The following AFAP1L1 variants were observed in gnomAD, a reference collection of about 807,000 sequenced individuals.
AFAP1L1 encodes the protein actin filament-associated protein 1-like 1.
AFAP1L1 carries 77 observed loss-of-function variants against 99.8 expected under a neutral mutation model. The observed-to-expected ratio is 0.77, with a 90% CI of 0.64 to 0.93. The LOEUF is 0.93. Ranked by LOEUF, AFAP1L1 falls within the 40% of genes least tolerant of loss-of-function variation. AFAP1L1 has a pLI of 0.00. For synonymous variants in AFAP1L1, 373 were observed against 395.3 expected (o/e 0.94, Z 0.67); for missense variants, 893 against 996.8 (o/e 0.90, Z 1.40).
intron 18 of AFAP1L1, 47 bp downstream of exon 18, chr5:149,335,769 C>G (rs372791143): frequency 6.3e-7 from 1 of 1,595,088 alleles, no homozygotes; most frequent in African/African-American, 1.4e-5. Context: ...CTGGTAGCCC[C>G]CTTTCTATGG....
intron 4 of AFAP1L1, 55 bp from the exon 5 acceptor site, chr5:149,302,363 C>G (rs1756250664): frequency 1.5e-6 from 2 of 1,353,900 alleles, no homozygotes; most frequent in African/African-American, 2.9e-5. Flanking sequence ...CTCCCTCAGC[C>G]TCTCTCTCCC....
chr5:149,320,413 C>A lies in AFAP1L1; in HGVS notation c.1648C>A (p.Gln550Lys). Reference protein sequence around the residue: ...SFLYARSCQNQWPEPRVYDDV... With the variant: ...SFLYARSCQNKWPEPRVYDDV... ...TAGATATGCAAGATCCTGCCAGAAT[C>A]AGTGGCCTGAGCCCCGAGTCTATGA... The change falls in exon 14 of 19, where the codon CAG becomes AAG. Residue 550 changes from glutamine to lysine, a missense_variant. Coordinates refer to ENST00000296721, the MANE Select transcript of AFAP1L1 (RefSeq NM_152406.4). This position sits in a 1 kb window ranked among gnomAD's most constrained non-coding sequence, Gnocchi z 4.0. The A allele has an allele frequency of 6.2e-7, 1 of 1,614,192 alleles. No individual in the cohort carries two copies. Among genetic ancestry groups the A allele is most frequent in the South Asian group, 1.1e-5 (1 of 91,070 alleles).
chr5:149,319,179 A>C (rs1401990686), intron 12 of AFAP1L1, among the ~76,000 whole-genome samples: 2 of 152,228 alleles, frequency 1.3e-5, no homozygotes, highest in East Asian at 3.8e-4. Context: ...TGGCAACTAT[A>C]ACACAAGAAA....
At chr5:149,293,315 A>G (rs1206950061) in intron 1 of AFAP1L1, among the ~76,000 whole-genome samples, 1 of 152,224 alleles carries the variant, frequency 6.6e-6, no homozygotes, top group Non-Finnish European at 1.5e-5. Flanking sequence ...GCCCACAGCT[A>G]GAAAATGACA....
In AFAP1L1 at chr5:149,320,531, C is replaced by T. The variant is rs544849462; in HGVS notation, c.1698+68C>T. 2,182 of 1,399,328 alleles carry T rather than the reference C, an allele frequency of 1.6e-3. 9 individuals carry two copies. In the Middle Eastern group the frequency reaches 0.019, roughly 12 times the overall value. The allele number at this position is 1,399,328 out of a possible 1,614,324, so 86.7% of individuals were successfully genotyped here. A position where few individuals can be genotyped will look rare whatever the true frequency, so the allele number is the denominator to read the frequency against. On this transcript the variant is annotated intron_variant, in intron 14 of 18. Transcript: ENST00000296721. The surrounding 1 kb of genome is among the most constrained non-coding windows in gnomAD (Gnocchi z 4.0). Reference sequence around the variant, plus strand: ...TTATTAGCTCTCCCTCTTTCTGCTCCCTTTACCTTCTGCCTCAGAAAGATC... The same window carrying T: ...TTATTAGCTCTCCCTCTTTCTGCTCTCTTTACCTTCTGCCTCAGAAAGATC...
In AFAP1L1 at chr5:149,311,286, G is replaced by A. The variant is rs966099849; in HGVS notation, c.928-826G>A. Among the ~76,000 whole-genome samples, 12 of 152,272 alleles carry A rather than the reference G, an allele frequency of 7.9e-5. 1 individual carries two copies. Among genetic ancestry groups the A allele is most frequent in the East Asian group, 5.8e-4 (3 of 5,172 alleles). On this transcript the variant is annotated intron_variant, in intron 8 of 18. Transcript: ENST00000296721. Reference sequence around the variant, plus strand: ...AAGGGAGAGAACCTGCCTGTTGGGGGAGCCTGTACCCTCCACGAGCTGGTT... The same window carrying A: ...AAGGGAGAGAACCTGCCTGTTGGGGAAGCCTGTACCCTCCACGAGCTGGTT...
At chr5:149,312,335 T>C (rs747989848) in intron 9 of AFAP1L1, 131 bp downstream of exon 9, 1 of 843,272 alleles carries the variant, frequency 1.2e-6, no homozygotes, top group South Asian at 1.4e-5. Context: ...AGCACAGAGC[T>C]GGCACAACAG....
chr5:149,337,617 T>C (rs983379718), intron 18 of AFAP1L1, among the ~76,000 whole-genome samples: 8 of 152,190 alleles, frequency 5.3e-5, no homozygotes, highest in Admixed American at 2.6e-4. Flanking sequence ...GACTGAAGTT[T>C]AAGTGGTAGA....
chr5:149,316,949 G>A (rs1322757068), intron 11 of AFAP1L1, among the ~76,000 whole-genome samples: 1 of 152,178 alleles, frequency 6.6e-6, no homozygotes, highest in African/African-American at 2.4e-5. Context: ...AGGATCACTT[G>A]AGCCCTGGAG....
At chr5:149,290,764 G>A (rs144546072) in intron 1 of AFAP1L1, among the ~76,000 whole-genome samples, 17 of 151,568 alleles carry the variant, frequency 1.1e-4, no homozygotes, top group African/African-American at 3.4e-4. Flanking sequence ...ACTATACTGA[G>A]CCACTATAAG....
intron 1 of AFAP1L1, among the ~76,000 whole-genome samples, chr5:149,273,030 A>G (rs1176208115): frequency 6.6e-6 from 1 of 151,814 alleles, no homozygotes; most frequent in Non-Finnish European, 1.5e-5. Flanking sequence ...AGGTCTAGAC[A>G]TGGCCTTTGG....
At chr5:149,298,717 C>T (rs966361041) in intron 1 of AFAP1L1, among the ~76,000 whole-genome samples, 1 of 152,158 alleles carries the variant, frequency 6.6e-6, no homozygotes, top group Non-Finnish European at 1.5e-5. Flanking sequence ...GACAGGGAGA[C>T]ATCAGTGACA....
Position 149,312,134 on chromosome 5 carries a change from C to T in AFAP1L1, c.950C>T (p.Pro317Leu). The change falls in exon 9 of 19, where the codon CCA becomes CTA. Residue 317 changes from proline (P) to leucine (L), a missense_variant. Physicochemically the swap from Pro to Leu is moderately conservative, Grantham distance 98. Coordinates refer to ENST00000296721, the MANE Select transcript of AFAP1L1 (RefSeq NM_152406.4). Reference protein sequence around the residue: ...WLKVIREVSKPVGGAEGVEVP... With the variant: ...WLKVIREVSKLVGGAEGVEVP... ...CAGGTCATCCGAGAAGTGAGCAAGC[C>T]AGTTGGGGGAGCTGAGGGAGTGGAG... 1.2e-6 allele frequency: 2 copies of T among 1,613,958 alleles called. No individual in the cohort carries two copies. Among genetic ancestry groups the T allele is most frequent in the African/African-American group, 1.3e-5 (1 of 75,038 alleles).
chr5:149,306,092 G>T (rs1284451983), intron 5 of AFAP1L1, among the ~76,000 whole-genome samples: 1 of 152,172 alleles, frequency 6.6e-6, no homozygotes, highest in Non-Finnish European at 1.5e-5. Context: ...ATGACAGCCT[G>T]GCAGGGCAGT....
rs1581332625 is a variant in AFAP1L1, at chr5:149,320,482, G to T, written c.1698+19G>T. The T allele has an allele frequency of 6.2e-7, 1 of 1,613,360 alleles. No individual in the cohort carries two copies. The highest frequency in any genetic ancestry group is 8.5e-7 in the Non-Finnish European group (1 of 1,179,380). ...GATGCAGGTACAGTCCCTTGGGGCTGCCCAGGAATGTGGCAAAGGCCACTT... is the reference window on the plus strand; with the variant it reads ...GATGCAGGTACAGTCCCTTGGGGCTTCCCAGGAATGTGGCAAAGGCCACTT... On this transcript the variant is annotated intron_variant, in intron 14 of 18. Coordinates refer to ENST00000296721, the MANE Select transcript of AFAP1L1 (RefSeq NM_152406.4). The surrounding 1 kb of genome is among the most constrained non-coding windows in gnomAD (Gnocchi z 4.0).
chr5:149,333,005 A>C, intron 17 of AFAP1L1, 132 bp downstream of exon 17: 1 of 1,261,768 alleles, frequency 7.9e-7, no homozygotes, highest in Non-Finnish European at 1.1e-6. Context: ...TGAAGTCCAA[A>C]GAGGTGAAGG....
At chr5:149,331,205 G>A (rs1757246262) in intron 16 of AFAP1L1, among the ~76,000 whole-genome samples, 1 of 152,096 alleles carries the variant, frequency 6.6e-6, no homozygotes, top group South Asian at 2.1e-4. Flanking sequence ...GGGAAGCCGA[G>A]GCAGGAGGCC....
Position 149,306,310 on chromosome 5 carries a change from C to T in AFAP1L1, c.441C>T (p.Gly147=), listed in dbSNP as rs757837319. The change falls in exon 6 of 19, where the codon GGC becomes GGT. Residue 147 remains glycine (G), a synonymous_variant. Coordinates refer to ENST00000296721, the MANE Select transcript of AFAP1L1 (RefSeq NM_152406.4). The part of the protein sequence containing the change: ...KSPEYISSHN[G]CSPSHSIVDG... ...GCTCTTTCTGACAACCCACAGATGG[C>T]TGCAGCCCCTCACACTCGATTGTGG... is the stretch of plus-strand genomic sequence containing the variant. 6.2e-7 allele frequency: 1 copy of T among 1,612,344 alleles called. No individual in the cohort carries two copies. Among genetic ancestry groups the T allele is most frequent in the Admixed American group, 1.7e-5 (1 of 59,886 alleles).
chr5:149,289,962 G>C (rs1326457115), intron 1 of AFAP1L1, among the ~76,000 whole-genome samples: 1 of 152,216 alleles, frequency 6.6e-6, no homozygotes, highest in Non-Finnish European at 1.5e-5. Flanking sequence ...GGCCGGGTGC[G>C]GTGGCTCACG....
Sources: gnomAD v4.1 joint callset for allele counts (sites outside exome capture counted in the v4.1 genomes callset) on GRCh38, gnomAD v4.1.1 for gene constraint, Gnocchi (gnomAD v3.1) non-coding constraint, MANE v1.5 for transcripts, NCBI Gene and HGNC (gene_info 2026-07-23, HGNC 2026-07-21) for gene names.